The following RAB37 variants were observed in gnomAD, a reference collection of about 807,000 sequenced individuals.
RAB37 encodes the protein RAB37, member RAS oncogene family.
In RAB37, 29 loss-of-function variants were observed where a neutral mutation model predicts 33.1. The ratio of observed to expected loss-of-function variants is 0.88; its 90% CI spans 0.65 to 1.20. The LOEUF is 1.20. Among genes scored for constraint, RAB37 ranks in the 50% most tolerant of loss-of-function variants. The pLI, the probability that RAB37 is intolerant of heterozygous loss-of-function variation, is 0.00. For synonymous variants in RAB37, 128 were observed against 119.5 expected, an observed-to-expected ratio of 1.07 and a Z score of -0.47; for missense variants, 299 against 301.1, an observed-to-expected ratio of 0.99 and a Z score of 0.05.
intron 1 of RAB37, among the ~76,000 whole-genome samples, chr17:74,713,582 T>A (rs775846571): frequency 2.6e-5 from 4 of 152,004 alleles, no homozygotes; most frequent in Non-Finnish European, 5.9e-5. Flanking sequence ...AGAGGGGTCC[T>A]GGAGAGCCAC....
chr17:74,728,013 A>G (rs1160419121), intron 1 of RAB37, among the ~76,000 whole-genome samples: 1 of 150,896 alleles, frequency 6.6e-6, no homozygotes, highest in African/African-American at 2.4e-5. Flanking sequence ...ATGTATGTGT[A>G]TATATATATG....
At chr17:74,703,249 T>A in intron 1 of RAB37, 1 of 815,972 alleles carries the variant, frequency 1.2e-6, no homozygotes, top group Non-Finnish European at 2.0e-6. Flanking sequence ...TCTGGACTGC[T>A]ACTATGGGAA....
intron 1 of RAB37, among the ~76,000 whole-genome samples, chr17:74,740,164 A>G (rs1160326861): frequency 6.6e-5 from 10 of 152,084 alleles, no homozygotes; most frequent in Middle Eastern, 3.4e-3. Context: ...CTCAAAAAAA[A>G]AAAGAAAGAA....
In RAB37 at chr17:74,744,824, G is replaced by C. The variant is rs370530969; in HGVS notation, c.433-49G>C. ...TGCTTCTGGGGCAAAATATGGGCCC[G>C]CTGGGGCGGAGGCCTCCTTCCCCAG... On this transcript the variant is annotated intron_variant, in intron 6 of 8. Transcript: ENST00000392613. This position sits in a 1 kb window ranked among gnomAD's most constrained non-coding sequence, Gnocchi z 4.2. 97 of 1,607,726 alleles carry C rather than the reference G, an allele frequency of 6.0e-5. No homozygotes were observed. The South Asian group carries it at 9.3e-4, about 15-fold the overall frequency.
intron 1 of RAB37, among the ~76,000 whole-genome samples, chr17:74,713,895 T>C (rs2034109185): frequency 3.0e-5 from 2 of 67,660 alleles, no homozygotes; most frequent in African/African-American, 6.9e-5. Flanking sequence ...AGGCTTCATC[T>C]CCACAAAAAA....
intron 2 of RAB37, 68 bp downstream of exon 2, chr17:74,740,946 C>A: frequency 8.2e-7 from 1 of 1,213,308 alleles, no homozygotes; most frequent in South Asian, 1.2e-5. Flanking sequence ...GGGGGGGTTG[C>A]CCCCACCTTG....
At chr17:74,675,652 A>G (rs534304361) in intron 1 of RAB37, among the ~76,000 whole-genome samples, 35 of 152,340 alleles carry the variant, frequency 2.3e-4, no homozygotes, top group African/African-American at 7.7e-4. Flanking sequence ...CGTGACTTCT[A>G]TGCAAACATC....
intron 1 of RAB37, chr17:74,704,710 C>G (rs866426606): frequency 6.2e-7 from 1 of 1,614,200 alleles, no homozygotes; most frequent in Non-Finnish European, 8.5e-7. Context: ...ACCACCACTT[C>G]AAGTAGGTCT....
At position 74,680,620 on chromosome 17, in the gene RAB37, C is replaced by T. The variant is rs187883062; in HGVS notation, c.72+8962C>T. On this transcript the variant is annotated intron_variant, in intron 1 of 7. Transcript: ENST00000340415. Reference sequence around the variant, plus strand: ...CCCTTCTACCCTTAGGTCCTCTCCCCTACCCCTTGCCCCACCTCTGCCTCC... The same window carrying T: ...CCCTTCTACCCTTAGGTCCTCTCCCTTACCCCTTGCCCCACCTCTGCCTCC... Among the ~76,000 whole-genome samples, 183 of 152,278 alleles carry T rather than the reference C, an allele frequency of 1.2e-3. 1 individual carries two copies. Among genetic ancestry groups the T allele is most frequent in the Non-Finnish European group, 1.9e-3 (127 of 68,024 alleles).
In RAB37 at chr17:74,676,064, C is replaced by A. The variant is rs495713; in HGVS notation, c.72+4406C>A. Among the ~76,000 whole-genome samples the A allele has an allele frequency of 0.86, 131,075 of 152,152 alleles. 56,591 individuals are homozygous for A. Among genetic ancestry groups the A allele is most frequent in the African/African-American group, 0.92 (37,985 of 41,508 alleles). Reference sequence around the variant, plus strand: ...TTCAAGAGCCATCCAGGGCAATGGTCTGGGGTAGGGGTTCAGGAACAGCCC... The same window carrying A: ...TTCAAGAGCCATCCAGGGCAATGGTATGGGGTAGGGGTTCAGGAACAGCCC... On this transcript the variant is annotated intron_variant, in intron 1 of 7. Coordinates refer to the RAB37 transcript ENST00000340415. This position sits in a 1 kb window ranked among gnomAD's most constrained non-coding sequence, Gnocchi z 4.1.
At chr17:74,719,457 A>C (rs374591281) in intron 1 of RAB37, among the ~76,000 whole-genome samples, 1 of 151,896 alleles carries the variant, frequency 6.6e-6, no homozygotes, top group Non-Finnish European at 1.5e-5. Context: ...CATCTCAAAA[A>C]AATAAATAAA....
chr17:74,720,428 A>C (rs2144008349), intron 1 of RAB37, among the ~76,000 whole-genome samples: 1 of 152,026 alleles, frequency 6.6e-6, no homozygotes, highest in East Asian at 1.9e-4. Flanking sequence ...CTACTGAAAA[A>C]AAAAACCCAA....
chr17:74,714,647 A>G (rs1057168855), intron 1 of RAB37, among the ~76,000 whole-genome samples: 2 of 152,138 alleles, frequency 1.3e-5, no homozygotes. Context: ...TTCATTGCTC[A>G]GGACTATTAT....
Position 74,744,058 on chromosome 17 carries a change from C to T in RAB37, c.367-250C>T, listed in dbSNP as rs1296496488. Among the ~76,000 whole-genome samples the T allele has an allele frequency of 6.6e-6, 1 of 152,102 alleles. No individual in the cohort carries two copies. The highest frequency in any genetic ancestry group is 2.4e-5 in the African/African-American group (1 of 41,408). ...AGCCAACTGATTTGTGAGATAAGGT[C>T]TCCATGCATCTGGATCTTCCATAGA... On this transcript the variant is annotated intron_variant, in intron 5 of 8. Transcript: ENST00000392613. This position sits in a 1 kb window ranked among gnomAD's most constrained non-coding sequence, Gnocchi z 4.2.
intron 1 of RAB37, among the ~76,000 whole-genome samples, chr17:74,726,821 A>G (rs1268789714): frequency 1.3e-5 from 2 of 152,102 alleles, no homozygotes; most frequent in Non-Finnish European, 2.9e-5. Flanking sequence ...AGTTGTTTTT[A>G]TGTCTTTATG....
At chr17:74,728,919 G>A (rs912645784) in intron 1 of RAB37, among the ~76,000 whole-genome samples, 3 of 151,882 alleles carry the variant, frequency 2.0e-5, no homozygotes, top group African/African-American at 7.3e-5. Context: ...TACGTGTCTT[G>A]TGCATGTATG....
At chr17:74,720,173 C>G (rs1361178646) in intron 1 of RAB37, among the ~76,000 whole-genome samples, 1 of 152,310 alleles carries the variant, frequency 6.6e-6, no homozygotes, top group African/African-American at 2.4e-5. Context: ...TTTACTTGCT[C>G]GAACCCACTG....
chr17:74,744,264 A>G lies in RAB37; in HGVS notation c.367-44A>G, dbSNP rs756391515. On this transcript the variant is annotated intron_variant, in intron 5 of 8. Transcript: ENST00000392613. The surrounding 1 kb of genome is among the most constrained non-coding windows in gnomAD (Gnocchi z 4.2). ...AAACGGAGCAGAAGAAGAAAGGGGC[A>G]GCAGGAGGAAGAGAATGCCAGTCTC... The G allele has an allele frequency of 1.3e-6, 2 of 1,575,810 alleles. No homozygotes were observed. The highest frequency in any genetic ancestry group is 1.7e-5 in the Admixed American group (1 of 58,938).
At chr17:74,687,331 C>T (rs2032074158) in intron 1 of RAB37, among the ~76,000 whole-genome samples, 1 of 152,108 alleles carries the variant, frequency 6.6e-6, no homozygotes, top group South Asian at 2.1e-4. Context: ...TCAAGCAATT[C>T]TCCTTTCTCG....
Sources: allele counts gnomAD v4.1 joint callset (sites outside exome capture counted in the v4.1 genomes callset), GRCh38; gene constraint gnomAD v4.1.1; non-coding constraint Gnocchi (gnomAD v3.1); transcripts MANE v1.5; gene names NCBI Gene and HGNC (gene_info 2026-07-23, HGNC 2026-07-21).